The following ABCA3 variants were observed in gnomAD, a reference collection of about 807,000 sequenced individuals.
ABCA3 encodes phospholipid-transporting ATPase ABCA3.
In ABCA3, 88 loss-of-function variants were observed where a neutral mutation model predicts 172.8. The observed-to-expected ratio is 0.51, with a 90% confidence interval of 0.43 to 0.61. ABCA3 has a LOEUF of 0.61. ABCA3 is among the 20% of genes least tolerant of loss of function. The probability of loss-of-function intolerance (pLI) is 0.00; values close to 1 mark genes in which losing one functional copy is unlikely to be tolerated. For synonymous variants in ABCA3, 1,066 were observed against 983.8 expected, an observed-to-expected ratio of 1.08 and a Z score of -1.56; for missense variants, 2,164 against 2,301.0, an observed-to-expected ratio of 0.94 and a Z score of 1.22.
In ABCA3 at chr16:2,284,596, G is replaced by A. The variant is rs1236740753; in HGVS notation, c.3704-159C>T. Among the ~76,000 whole-genome samples the A allele has an allele frequency of 1.3e-5, 2 of 152,182 alleles. No homozygotes were observed. Among genetic ancestry groups the A allele is most frequent in the Non-Finnish European group, 2.9e-5 (2 of 68,018 alleles). On this transcript the variant is annotated intron_variant, in intron 24 of 32. Transcript: ENST00000301732. This position sits in a 1 kb window ranked among gnomAD's most constrained non-coding sequence, Gnocchi z 5.9. ...TGCCGGCTCTGCACAGGGCAAGGACGCCGCAGACGCCTGCCCACCAGTCAT... is the reference window on the plus strand; with the variant it reads ...TGCCGGCTCTGCACAGGGCAAGGACACCGCAGACGCCTGCCCACCAGTCAT...
At chr16:2,333,146 A>G (rs1186787383) in intron 1 of ABCA3, among the ~76,000 whole-genome samples, 1 of 152,142 alleles carries the variant, frequency 6.6e-6, no homozygotes, top group Non-Finnish European at 1.5e-5. Context: ...TTATATCTGC[A>G]TATATGGAGC....
chr16:2,317,914 T>C, intron 8 of ABCA3, 150 bp from the exon 9 acceptor site: 2 of 703,726 alleles, frequency 2.8e-6, no homozygotes, highest in Non-Finnish European at 4.9e-6. Flanking sequence ...CTCATCTTGC[T>C]CAAACTCCTG....
At chr16:2,324,846 G>A (rs1044127735) in intron 5 of ABCA3, among the ~76,000 whole-genome samples, 1 of 152,168 alleles carries the variant, frequency 6.6e-6, no homozygotes, top group Non-Finnish European at 1.5e-5. Context: ...AGTGGGCTCT[G>A]CAGCCCGGGG....
At chr16:2,336,016 T>C (rs1490877306) in intron 1 of ABCA3, among the ~76,000 whole-genome samples, 4 of 152,224 alleles carry the variant, frequency 2.6e-5, no homozygotes, top group African/African-American at 9.6e-5. Context: ...CAGTGTGTCA[T>C]CTACCTTTTT....
chr16:2,299,393 T>G lies in ABCA3; in HGVS notation c.1741+10A>C. The G allele has an allele frequency of 6.2e-7, 1 of 1,613,348 alleles. No individual in the cohort carries two copies. The highest frequency in any genetic ancestry group is 1.3e-5 in the African/African-American group (1 of 75,036). ...GCTGGTGGCAGGGGCGTGAGGCGCC[T>G]GGCCCTCACCTGTGAGCATGGAGAG... On this transcript the variant is annotated intron_variant, in intron 14 of 32. Coordinates refer to ENST00000301732, the MANE Select transcript of ABCA3 (RefSeq NM_001089.3).
chr16:2,301,059 T>G (rs903142734), intron 12 of ABCA3, among the ~76,000 whole-genome samples: 3 of 150,738 alleles, frequency 2.0e-5, no homozygotes, highest in African/African-American at 7.4e-5. Context: ...TGAAACCCCG[T>G]CTCTACTAAA....
At chr16:2,316,490 CAAAAAAAAAAAAAAAAAAAAAAA>C (rs71148128) in intron 10 of ABCA3, among the ~76,000 whole-genome samples, 10 of 28,874 alleles carry the variant, frequency 3.5e-4, no homozygotes, top group Non-Finnish European at 4.6e-4. Context: ...ACTAAAAATG[CAAAAAAAAAAAAAAAAAAAAAAA>C]AAAAAAAAAA....
Position 2,299,442 on chromosome 16 carries a change from T to G in ABCA3, c.1702A>C (p.Asn568His), listed in dbSNP as rs121909184. 1.2e-6 allele frequency: 2 copies of G among 1,613,728 alleles called. No individual in the cohort carries two copies. The highest frequency in any genetic ancestry group is 2.7e-5 in the African/African-American group (2 of 74,870). ...AGGGTGGTGGTCTTCCCGGCACCGT[T>G]GTGGCCCAGCAGGACGGTGATCTGT... is the stretch of plus-strand genomic sequence containing the variant. The part of the protein sequence containing the change: ...EGQITVLLGH[N>H]GAGKTTTLSM... The change falls in exon 14 of 33, where the codon AAC (asparagine) becomes CAC (histidine). Residue 568 changes from asparagine (N) to histidine (H), a missense_variant. Physicochemically the swap from Asn to His is moderately conservative, Grantham distance 68 (BLOSUM62 1). This residue lies in a region of ABCA3 where 1,343 missense variants were observed against 1,369.6 expected (regional missense o/e 0.98). Coordinates refer to ENST00000301732, the MANE Select transcript of ABCA3 (RefSeq NM_001089.3).
In ABCA3 at chr16:2,289,460, G is replaced by A. The variant is rs1567340152; in HGVS notation, c.2674C>T (p.Arg892Cys). Residue 892 changes from arginine (R) to cysteine (C), a missense_variant, in exon 20 of 33, where the codon CGC becomes TGC. Arg to Cys is a radical substitution (Grantham distance 180, BLOSUM62 -3). This residue lies in a region of ABCA3 where 1,343 missense variants were observed against 1,369.6 expected (regional missense o/e 0.98). Transcript: ENST00000301732. ...CCAGTGTTGAGCTTGACAGCGGTGC[G>A]CTCCTCCTCGATGAGGGCTCCAATG... The part of the protein sequence containing the change: ...DGIGALIEEE[R>C]TAVKLNTGLA... 6.3e-6 allele frequency: 10 copies of A among 1,591,948 alleles called. No homozygotes were observed. The highest frequency in any genetic ancestry group is 4.6e-5 in the South Asian group (4 of 87,452).
intron 10 of ABCA3, among the ~76,000 whole-genome samples, chr16:2,314,365 A>G (rs1343596115): frequency 2.0e-5 from 3 of 152,064 alleles, no homozygotes; most frequent in African/African-American, 7.2e-5. Flanking sequence ...AGCCAGGCAC[A>G]GCATATAAAC....
chr16:2,334,317 T>C (rs945581921), intron 1 of ABCA3, among the ~76,000 whole-genome samples: 2 of 152,096 alleles, frequency 1.3e-5, no homozygotes, highest in East Asian at 3.9e-4. Flanking sequence ...CCTGGGCCCA[T>C]GTCATCAAGG....
chr16:2,297,682 G>C lies in ABCA3; in HGVS notation c.2052+84C>G. ...TGATGGCCTTGTCTGGGGTGTCAAG[G>C]GCCAAGGTGCCCGGGCCATGGCGGA... On this transcript the variant is annotated intron_variant, in intron 16 of 32. Coordinates refer to ENST00000301732, the MANE Select transcript of ABCA3 (RefSeq NM_001089.3). The surrounding 1 kb of genome is among the most constrained non-coding windows in gnomAD (Gnocchi z 5.6). The C allele has an allele frequency of 6.3e-7, 1 of 1,597,058 alleles. No homozygotes were observed. Among genetic ancestry groups the C allele is most frequent in the Non-Finnish European group, 8.5e-7 (1 of 1,177,274 alleles).
In ABCA3 at chr16:2,281,806, A is replaced by ATT. The variant is rs765812169; in HGVS notation, c.4036-299_4036-298dup. Among the ~76,000 whole-genome samples the ATT allele has an allele frequency of 9.0e-5, 13 of 143,656 alleles. No individual in the cohort carries two copies. Among genetic ancestry groups the ATT allele is most frequent in the Admixed American group, 2.1e-4 (3 of 14,372 alleles). The allele number at this position is 143,656 out of a possible 152,430, so 94.2% of individuals were successfully genotyped here. On this transcript the variant is annotated intron_variant, in intron 26 of 32. Coordinates refer to ENST00000301732, the MANE Select transcript of ABCA3 (RefSeq NM_001089.3). The surrounding 1 kb of genome is among the most constrained non-coding windows in gnomAD (Gnocchi z 4.7). Reference sequence around the variant, plus strand: ...GAATATAAAATAAGATTTTTAGACAATTTTTTTTTTTTTTTTGAGACAGAG... The same window carrying ATT: ...GAATATAAAATAAGATTTTTAGACAATTTTTTTTTTTTTTTTTTGAGACAGAG...
Position 2,284,204 on chromosome 16 carries a change from CT to C in ABCA3, c.3862+74del. ...ACTCAGACGCAGAGGAGCCCCTGCC[CT>C]AGGAGGCCCCTCTGCAGTGACCACG... On this transcript the variant is annotated intron_variant, in intron 25 of 32. Coordinates refer to ENST00000301732, the MANE Select transcript of ABCA3 (RefSeq NM_001089.3). This position sits in a 1 kb window ranked among gnomAD's most constrained non-coding sequence, Gnocchi z 5.9. The C allele has an allele frequency of 1.3e-6, 2 of 1,524,576 alleles. No homozygotes were observed. The highest frequency in any genetic ancestry group is 1.8e-6 in the Non-Finnish European group (2 of 1,129,074). 94.4% of individuals were successfully genotyped at this position (1,524,576 alleles called of 1,614,324 possible).
chr16:2,337,325 C>T (rs2093753422), intron 1 of ABCA3, among the ~76,000 whole-genome samples: 1 of 151,166 alleles, frequency 6.6e-6, no homozygotes, highest in Non-Finnish European at 1.5e-5. Flanking sequence ...TGCATGTTTA[C>T]ATTCATTCTT....
Position 2,285,667 on chromosome 16 carries a change from C to T in ABCA3, c.3279-21G>A. On this transcript the variant is annotated intron_variant, in intron 22 of 32. Transcript: ENST00000301732. This position sits in a 1 kb window ranked among gnomAD's most constrained non-coding sequence, Gnocchi z 4.7. ...GGCCCCTGCGGGGGACAGAGAAGGTCAGGGACGGAGCACAGCACGTCTGGG... is the reference window on the plus strand; with the variant it reads ...GGCCCCTGCGGGGGACAGAGAAGGTTAGGGACGGAGCACAGCACGTCTGGG... The T allele has an allele frequency of 6.4e-7, 1 of 1,550,980 alleles. No individual in the cohort carries two copies. The highest frequency in any genetic ancestry group is 8.7e-7 in the Non-Finnish European group (1 of 1,146,812).
At chr16:2,304,494 A>G (rs937390638) in intron 11 of ABCA3, among the ~76,000 whole-genome samples, 1 of 147,826 alleles carries the variant, frequency 6.8e-6, no homozygotes, top group African/African-American at 2.5e-5. Flanking sequence ...TGCATTTAGC[A>G]TAAGTCTTTT....
At chr16:2,308,644 G>A (rs530911929) in intron 10 of ABCA3, 21 bp from the exon 11 acceptor site, 38 of 1,612,544 alleles carry the variant, frequency 2.4e-5, no homozygotes, top group South Asian at 4.4e-5. Flanking sequence ...TGGAAGACCC[G>A]GGGGGCGTGA....
At chr16:2,317,945 C>T (rs1459433686) in intron 8 of ABCA3, among the ~76,000 whole-genome samples, 181 bp from the exon 9 acceptor site, 7 of 152,248 alleles carry the variant, frequency 4.6e-5, no homozygotes, top group Non-Finnish European at 8.8e-5. Flanking sequence ...ATCTGCCTGC[C>T]TCAGCCTCCC....
Sources: gnomAD v4.1 joint callset for allele counts (sites outside exome capture counted in the v4.1 genomes callset) on GRCh38, gnomAD v4.1.1 for gene constraint, gnomAD v4.1.1 regional missense constraint, Gnocchi (gnomAD v3.1) non-coding constraint, MANE v1.5 for transcripts, NCBI Gene and HGNC (gene_info 2026-07-23, HGNC 2026-07-21) for gene names.